DLC1: variants seen among roughly 807,000 people sequenced by gnomAD.
DLC1 encodes DLC1 Rho GTPase activating protein.
DLC1 carries 54 observed loss-of-function variants against 140.3 expected under a neutral mutation model. The observed-to-expected ratio is 0.38, with a 90% confidence interval of 0.31 to 0.48. The LOEUF is 0.48. DLC1 is among the 20% of genes least tolerant of loss of function. DLC1 has a pLI of 0.96. For synonymous variants in DLC1, 986 were observed against 728.1 expected, an observed-to-expected ratio of 1.35 and a Z score of -5.70; for missense variants, 2,536 against 1,907.0, an observed-to-expected ratio of 1.33 and a Z score of -6.14.
At chr8:13,535,669 T>TAAAAAAAA (rs55970525) in intron 1 of DLC1, among the ~76,000 whole-genome samples, 11 of 114,676 alleles carry the variant, frequency 9.6e-5, no homozygotes, top group East Asian at 2.6e-4. Flanking sequence ...CATTGCTCAT[T>TAAAAAAAA]AAAAAAAAAA....
chr8:13,411,330 A>G (rs1837771095), intron 2 of DLC1, among the ~76,000 whole-genome samples: 1 of 152,236 alleles, frequency 6.6e-6, no homozygotes, highest in Non-Finnish European at 1.5e-5. Flanking sequence ...CTACTGAATA[A>G]TTCCAATTAT....
chr8:13,308,160 T>G (rs1221657082), intron 4 of DLC1, among the ~76,000 whole-genome samples: 3 of 152,214 alleles, frequency 2.0e-5, no homozygotes, highest in Non-Finnish European at 2.9e-5. Flanking sequence ...TTAATAAAAA[T>G]GATAATCAGT....
chr8:13,511,001 C>T lies in DLC1; in HGVS notation c.-126+3601G>A, dbSNP rs753765227. On this transcript the variant is annotated intron_variant, in intron 1 of 17. Transcript: ENST00000276297. ...TTTCTTTTTTTTTTCCTTCGCTTTT[C>T]CTTCCATTCATTTCACAAACATTTA... Among the ~76,000 whole-genome samples, 76 of 151,872 alleles carry T rather than the reference C, an allele frequency of 5.0e-4. 1 individual carries two copies. The highest frequency in any genetic ancestry group is 6.6e-4 in the Non-Finnish European group (45 of 67,928).
intron 5 of DLC1, among the ~76,000 whole-genome samples, chr8:13,116,562 C>G (rs573527694): frequency 6.6e-6 from 1 of 152,264 alleles, no homozygotes; most frequent in South Asian, 2.1e-4. Flanking sequence ...ATAATTTATG[C>G]CAGATTCAAA....
At chr8:13,322,825 A>C (rs140630001) in intron 4 of DLC1, among the ~76,000 whole-genome samples, 8,587 of 145,222 alleles carry the variant, frequency 0.059, 353 homozygotes, top group Non-Finnish European at 0.091. Flanking sequence ...TCCCCCTTTT[A>C]AAAAGTGAAG....
chr8:13,280,145 G>A (rs568431817), intron 5 of DLC1, among the ~76,000 whole-genome samples: 177 of 151,148 alleles, frequency 1.2e-3, no homozygotes, highest in African/African-American at 4.2e-3. Flanking sequence ...AAAATTAGCC[G>A]GGCGTGGTGG....
chr8:13,336,013 G>C (rs866981149), intron 4 of DLC1, among the ~76,000 whole-genome samples: 1 of 151,856 alleles, frequency 6.6e-6, no homozygotes, highest in Non-Finnish European at 1.5e-5. Flanking sequence ...ATTATATATT[G>C]TACTGGAATT....
At chr8:13,263,345 C>A (rs1215238405) in intron 5 of DLC1, among the ~76,000 whole-genome samples, 1 of 152,044 alleles carries the variant, frequency 6.6e-6, no homozygotes, top group Non-Finnish European at 1.5e-5. Flanking sequence ...CTATCCTCAG[C>A]ACCTACCTCA....
At chr8:13,492,702 G>C (rs901977003) in intron 2 of DLC1, among the ~76,000 whole-genome samples, 1 of 152,018 alleles carries the variant, frequency 6.6e-6, no homozygotes, top group African/African-American at 2.4e-5. Flanking sequence ...TAGCACCTGG[G>C]ATATTGAAAA....
chr8:13,453,554 ATATTTT>A lies in DLC1; in HGVS notation c.1023+45489_1023+45494del, dbSNP rs1432293650. Among the ~76,000 whole-genome samples the A allele has an allele frequency of 2.2e-3, 72 of 33,342 alleles. 7 individuals are homozygous for A. Among genetic ancestry groups the A allele is most frequent in the African/African-American group, 0.011 (71 of 6,756 alleles). 21.9% of individuals were successfully genotyped at this position (33,342 alleles called of 152,430 possible). A position where few individuals can be genotyped will look rare whatever the true frequency, so the allele number is the denominator to read the frequency against. On this transcript the variant is annotated intron_variant, in intron 2 of 17. Coordinates refer to ENST00000276297, the MANE Select transcript of DLC1 (RefSeq NM_182643.3). ...TATATATATACATATATATATATATATATTTTTTTTTTTTTTTTTTCAGATAGAAAT... is the reference window on the plus strand; with the variant it reads ...TATATATATACATATATATATATATATTTTTTTTTTTTTTCAGATAGAAAT...
chr8:13,319,129 C>G (rs996197018), intron 4 of DLC1, among the ~76,000 whole-genome samples: 2 of 152,114 alleles, frequency 1.3e-5, no homozygotes, highest in Non-Finnish European at 2.9e-5. Flanking sequence ...CAGACTCAAA[C>G]GTAATTGGTT....
intron 1 of DLC1, among the ~76,000 whole-genome samples, chr8:13,587,461 G>T (rs1272846067): frequency 6.6e-6 from 1 of 150,870 alleles, no homozygotes; most frequent in Non-Finnish European, 1.5e-5. Context: ...TTCTCTTTTT[G>T]TTTGAAGAGC....
intron 4 of DLC1, among the ~76,000 whole-genome samples, chr8:13,316,092 G>A (rs1208626331): frequency 1.3e-5 from 2 of 152,182 alleles, no homozygotes; most frequent in Non-Finnish European, 2.9e-5. Context: ...GTTGCGCACT[G>A]GCTTAACAAA....
Position 13,210,032 on chromosome 8 carries a change from G to A in DLC1, c.1349-94375C>T, listed in dbSNP as rs1827863615. On this transcript the variant is annotated intron_variant, in intron 5 of 17. Transcript: ENST00000276297. ...CCTTTGAAATATTAAGATTATGGTT[G>A]CTAAATTTTGGTGTTTGGTGTGGGG... Among the ~76,000 whole-genome samples the A allele has an allele frequency of 1.3e-5, 2 of 152,108 alleles. 1 individual carries two copies. The highest frequency in any genetic ancestry group is 4.1e-4 in the South Asian group (2 of 4,824).
At chr8:13,322,601 T>C (rs890155647) in intron 4 of DLC1, among the ~76,000 whole-genome samples, 1 of 152,216 alleles carries the variant, frequency 6.6e-6, no homozygotes, top group African/African-American at 2.4e-5. Context: ...TTCTTAGTTA[T>C]AAAGTTTTAG....
At chr8:13,245,908 G>C (rs1030378607) in intron 5 of DLC1, among the ~76,000 whole-genome samples, 3 of 151,886 alleles carry the variant, frequency 2.0e-5, no homozygotes, top group African/African-American at 7.3e-5. Context: ...CACCATGTTG[G>C]ACAGGCTGGT....
chr8:13,138,479 G>A (rs1359336582), intron 5 of DLC1, among the ~76,000 whole-genome samples: 1 of 152,150 alleles, frequency 6.6e-6, no homozygotes, highest in East Asian at 1.9e-4. Context: ...CAATCTCTTT[G>A]GAAATTGATT....
chr8:13,355,068 C>T (rs767241656), intron 4 of DLC1, among the ~76,000 whole-genome samples: 4 of 151,784 alleles, frequency 2.6e-5, no homozygotes, highest in Non-Finnish European at 5.9e-5. Context: ...TCTTACTGCA[C>T]TATCAATTAA....
intron 2 of DLC1, among the ~76,000 whole-genome samples, chr8:13,434,239 G>T (rs1378396461): frequency 6.6e-6 from 1 of 152,184 alleles, no homozygotes; most frequent in Non-Finnish European, 1.5e-5. Flanking sequence ...TACAAATGAG[G>T]ATGATGTCAT....
Sources: gnomAD v4.1 joint callset for allele counts (sites outside exome capture counted in the v4.1 genomes callset) on GRCh38, gnomAD v4.1.1 for gene constraint, MANE v1.5 for transcripts, NCBI Gene and HGNC (gene_info 2026-07-23, HGNC 2026-07-21) for gene names.